PADI3: variants seen among roughly 807,000 people sequenced by gnomAD.
PADI3 encodes the protein protein-arginine deiminase type-3.
Under a neutral mutation model 71.5 loss-of-function variants are expected in PADI3, and 53 were observed. That is an observed-to-expected ratio of 0.74 (90% CI 0.59 to 0.93). The LOEUF (loss-of-function observed/expected upper bound fraction) is 0.93. Among genes scored for constraint, PADI3 ranks in the 40% least tolerant of loss-of-function variants. The pLI, the probability that PADI3 is intolerant of heterozygous loss-of-function variation, is 0.00. For synonymous variants in PADI3, 361 were observed against 347.5 expected (o/e 1.04, Z -0.43); for missense variants, 821 against 868.0 (o/e 0.95, Z 0.68).
intron 11 of PADI3, 88 bp downstream of exon 11, chr1:17,274,874 C>G (rs2073306688): frequency 7.5e-7 from 1 of 1,326,914 alleles, no homozygotes; most frequent in African/African-American, 1.5e-5. Flanking sequence ...CATTGCACTC[C>G]TTGAAGAGAG....
At chr1:17,275,860 G>A (rs186949390) in intron 11 of PADI3, among the ~76,000 whole-genome samples, 9 of 152,310 alleles carry the variant, frequency 5.9e-5, no homozygotes, top group Non-Finnish European at 1.0e-4. Flanking sequence ...CATGCCCTTA[G>A]ATACATTTTC....
Position 17,283,017 on chromosome 1 carries a change from C to T in PADI3, c.1933C>T (p.His645Tyr), listed in dbSNP as rs757050658. The change falls in exon 16 of 16, where the codon CAC becomes TAC. Residue 645 changes from histidine (H) to tyrosine (Y), a missense_variant. By Grantham distance (83) the His-to-Tyr change is moderately conservative (BLOSUM62 2). Transcript: ENST00000375460. ...TPYHMLHGEV[H>Y]CGTNVCRKPF... is the part of the protein sequence containing the mutation. ...ATACCACATGCTGCATGGGGAGGTG[C>T]ACTGTGGCACCAATGTGTGCAGAAA... 26 of 1,614,114 alleles carry T rather than the reference C, an allele frequency of 1.6e-5. No individual in the cohort carries two copies. The Admixed American group carries it at 4.2e-4, about 26-fold the overall frequency.
Position 17,271,096 on chromosome 1 carries a change from C to T in PADI3, c.965C>T (p.Ala322Val), listed in dbSNP as rs778365044. 1.9e-5 allele frequency: 30 copies of T among 1,613,888 alleles called. No homozygotes were observed. Among genetic ancestry groups the T allele is most frequent in the Admixed American group, 1.0e-4 (6 of 60,010 alleles). Reference protein sequence around the residue: ...RVRNNTCFVDAVAELARKAGC... With the variant: ...RVRNNTCFVDVVAELARKAGC... ...AGGAACAACACGTGTTTTGTGGATG[C>T]GGTGGCAGAGCTGGCCAGGAAGGCC... The change falls in exon 9 of 16, where the codon GCG becomes GTG. Residue 322 changes from alanine (A) to valine (V), a missense_variant. Transcript: ENST00000375460.
Position 17,283,291 on chromosome 1 carries a change from C to G in PADI3, c.*212C>G, listed in dbSNP as rs1397856337. The G allele has an allele frequency of 3.6e-6, 2 of 548,540 alleles. No individual in the cohort carries two copies. The highest frequency in any genetic ancestry group is 6.5e-6 in the Non-Finnish European group (2 of 306,708). 34.0% of individuals were successfully genotyped at this position (548,540 alleles called of 1,614,324 possible). A position where few individuals can be genotyped will look rare whatever the true frequency, so the allele number is the denominator to read the frequency against. On this transcript the variant is annotated 3_prime_UTR_variant, in exon 16 of 16. Transcript: ENST00000375460. ...TTCTCAGACTTGAATCTTCTCGGCC[C>G]CCCAAAAAGAAGGACCTCATTTCTT...
At chr1:17,260,562 G>T (rs2073090696) in intron 2 of PADI3, among the ~76,000 whole-genome samples, 1 of 152,188 alleles carries the variant, frequency 6.6e-6, no homozygotes, top group East Asian at 1.9e-4. Flanking sequence ...GGCAACTGAG[G>T]TTCAGAGTAA....
At chr1:17,260,759 G>A (rs2073092936) in intron 2 of PADI3, among the ~76,000 whole-genome samples, 2 of 152,224 alleles carry the variant, frequency 1.3e-5, no homozygotes, top group Admixed American at 6.5e-5. Flanking sequence ...CTTTCCTGAA[G>A]TCACATGATC....
At chr1:17,269,963 T>C (rs1416589051) in intron 6 of PADI3, among the ~76,000 whole-genome samples, 2 of 152,164 alleles carry the variant, frequency 1.3e-5, no homozygotes, top group Non-Finnish European at 2.9e-5. Context: ...GTGGAATTGC[T>C]GGGCTTGGGG....
In PADI3 at chr1:17,276,885, C is replaced by G. The variant is rs1355470550; in HGVS notation, c.1555+9C>G. Reference sequence around the variant, plus strand: ...GTTCCAGGGGGTTGTTGGTGGGTAACAGTGCCGTGTCCCTCCTTGCGGCTT... The same window carrying G: ...GTTCCAGGGGGTTGTTGGTGGGTAAGAGTGCCGTGTCCCTCCTTGCGGCTT... On this transcript the variant is annotated intron_variant, in intron 13 of 15. Coordinates refer to ENST00000375460, the MANE Select transcript of PADI3 (RefSeq NM_016233.2). 6.2e-7 allele frequency: 1 copy of G among 1,603,516 alleles called. No homozygotes were observed. Among genetic ancestry groups the G allele is most frequent in the East Asian group, 2.2e-5 (1 of 44,772 alleles).
intron 11 of PADI3, among the ~76,000 whole-genome samples, chr1:17,276,145 G>A (rs1384410564): frequency 1.3e-5 from 2 of 152,114 alleles, no homozygotes; most frequent in Non-Finnish European, 2.9e-5. Flanking sequence ...GACCAGCCTG[G>A]CCAACATGGT....
At chr1:17,277,125 A>G (rs2073344703) in intron 13 of PADI3, among the ~76,000 whole-genome samples, 1 of 151,428 alleles carries the variant, frequency 6.6e-6, no homozygotes, top group Non-Finnish European at 1.5e-5. Flanking sequence ...GTGGCTTCCC[A>G]GGCAGGTGAC....
chr1:17,280,238 C>A (rs1337925283), intron 13 of PADI3, 112 bp from the exon 14 acceptor site: 2 of 819,614 alleles, frequency 2.4e-6, no homozygotes, highest in Admixed American at 1.9e-5. Flanking sequence ...AGGCTGCTGA[C>A]TCGGCAAGAC....
chr1:17,255,181 C>T (rs1039708734), intron 1 of PADI3, among the ~76,000 whole-genome samples: 1 of 152,208 alleles, frequency 6.6e-6, no homozygotes, highest in Non-Finnish European at 1.5e-5. Flanking sequence ...TTTAGGGAGG[C>T]CAACTGTTCC....
At position 17,259,567 on chromosome 1, in the gene PADI3, G is replaced by A; in HGVS notation, c.93-11G>A. 1 of 1,580,670 alleles carries A rather than the reference G, an allele frequency of 6.3e-7. No individual in the cohort carries two copies. The highest frequency in any genetic ancestry group is 8.6e-7 in the Non-Finnish European group (1 of 1,159,800). ...CCTTCGGCACCGACCATGGCTCTCTGCCCTGCCCAGGTCAGTGCCTGAGGG... is the reference window on the plus strand; with the variant it reads ...CCTTCGGCACCGACCATGGCTCTCTACCCTGCCCAGGTCAGTGCCTGAGGG... On this transcript the variant is annotated splice_polypyrimidine_tract_variant and intron_variant, in intron 1 of 15. Transcript: ENST00000375460.
At chr1:17,249,295 C>A in intron 1 of PADI3, 66 bp downstream of exon 1, 2 of 1,319,016 alleles carry the variant, frequency 1.5e-6, no homozygotes, top group Non-Finnish European at 1.1e-6. Context: ...TTCCTCCCTG[C>A]AGGCTGGGCA....
At chr1:17,273,497 C>A (rs1004269254) in intron 10 of PADI3, 50 bp downstream of exon 10, 2 of 1,240,440 alleles carry the variant, frequency 1.6e-6, no homozygotes, top group African/African-American at 1.5e-5. Context: ...AGGCCTTACC[C>A]CAGGGGCCAC....
At chr1:17,251,092 G>GT (rs2072960644) in intron 1 of PADI3, among the ~76,000 whole-genome samples, 1 of 152,212 alleles carries the variant, frequency 6.6e-6, no homozygotes, top group African/African-American at 2.4e-5. Context: ...TATTCTTCAA[G>GT]TATTTCTTTT....
intron 1 of PADI3, among the ~76,000 whole-genome samples, chr1:17,254,640 T>C (rs1399729195): frequency 6.6e-6 from 1 of 151,882 alleles, no homozygotes; most frequent in South Asian, 2.1e-4. Flanking sequence ...CTCCTCACCA[T>C]TGAAGGGGGT....
Position 17,267,900 on chromosome 1 carries a change from A to G in PADI3, c.590A>G (p.His197Arg), listed in dbSNP as rs1433807273. ...GGCCCTGCAGCCCTCTTTGATGACC[A>G]CAAACTTGTCCTCCATACCTCCAGC... ...TQGPAALFDDHKLVLHTSSYD... is the reference protein window; with the variant it reads ...TQGPAALFDDRKLVLHTSSYD... Residue 197 changes from histidine to arginine, a missense_variant, in exon 6 of 16, where the codon CAC (histidine) becomes CGC (arginine). By Grantham distance (29) the His-to-Arg change is conservative (BLOSUM62 0). Coordinates refer to ENST00000375460, the MANE Select transcript of PADI3 (RefSeq NM_016233.2). 1 of 1,614,226 alleles carries G rather than the reference A, an allele frequency of 6.2e-7. No individual in the cohort carries two copies. Among genetic ancestry groups the G allele is most frequent in the African/African-American group, 1.3e-5 (1 of 75,074 alleles).
At chr1:17,282,683 C>T (rs1054067712) in intron 15 of PADI3, among the ~76,000 whole-genome samples, 163 bp from the exon 16 acceptor site, 2 of 152,242 alleles carry the variant, frequency 1.3e-5, no homozygotes, top group Admixed American at 6.5e-5. Context: ...CCTGGCTAAC[C>T]GGTTCTTCCC....
Sources: allele counts gnomAD v4.1 joint callset (sites outside exome capture counted in the v4.1 genomes callset), GRCh38; gene constraint gnomAD v4.1.1; transcripts MANE v1.5; gene names NCBI Gene and HGNC (gene_info 2026-07-23, HGNC 2026-07-21).